SPAG16: variants seen among roughly 807,000 people sequenced by gnomAD.
The protein encoded by SPAG16 is sperm associated antigen 16.
SPAG16 carries 86 observed loss-of-function variants against 80.4 expected under a neutral mutation model. The observed-to-expected ratio is 1.07, with a 90% confidence interval of 0.90 to 1.28. The LOEUF (loss-of-function observed/expected upper bound fraction) is 1.28, where lower values mean the gene tolerates loss of function less well. Among genes scored for constraint, SPAG16 ranks in the 50% most tolerant of loss-of-function variants. SPAG16 has a pLI of 0.00. For synonymous variants in SPAG16, 294 were observed against 265.9 expected (o/e 1.11, Z -1.03); for missense variants, 870 against 765.3 (o/e 1.14, Z -1.61).
intron 14 of SPAG16, among the ~76,000 whole-genome samples, chr2:214,147,981 A>G (rs2055746312): frequency 1.2e-4 from 19 of 152,184 alleles, no homozygotes; most frequent in Admixed American, 1.2e-3. Context: ...TTAAGGTATT[A>G]ACATTAACAT....
intron 15 of SPAG16, among the ~76,000 whole-genome samples, chr2:214,210,798 T>C (rs1259480574): frequency 6.6e-6 from 1 of 151,900 alleles, no homozygotes; most frequent in African/African-American, 2.4e-5. Flanking sequence ...AGCTCCACAA[T>C]TTGGAATTAA....
chr2:214,137,945 A>T (rs2055149525), intron 14 of SPAG16, among the ~76,000 whole-genome samples: 1 of 152,140 alleles, frequency 6.6e-6, no homozygotes, highest in Non-Finnish European at 1.5e-5. Flanking sequence ...CATGTTAATT[A>T]AAAAACCCCA....
chr2:214,268,020 A>C (rs756647896), intron 15 of SPAG16, among the ~76,000 whole-genome samples: 2 of 151,978 alleles, frequency 1.3e-5, no homozygotes, highest in African/African-American at 4.8e-5. Flanking sequence ...AAAGGACTCA[A>C]ATGGACATTT....
At chr2:214,202,101 C>T (rs1055183965) in intron 15 of SPAG16, among the ~76,000 whole-genome samples, 1 of 152,166 alleles carries the variant, frequency 6.6e-6, no homozygotes, top group Non-Finnish European at 1.5e-5. Flanking sequence ...CCTGCTGGGC[C>T]TGCCAAAGTG....
At chr2:213,338,829 A>G (rs1234272060) in intron 5 of SPAG16, among the ~76,000 whole-genome samples, 1 of 152,110 alleles carries the variant, frequency 6.6e-6, no homozygotes, top group Non-Finnish European at 1.5e-5. Flanking sequence ...ACATGGACAC[A>G]GGAAAGGGAA....
chr2:213,450,733 T>G (rs985602898), intron 9 of SPAG16, among the ~76,000 whole-genome samples: 9 of 152,198 alleles, frequency 5.9e-5, no homozygotes, highest in Non-Finnish European at 1.0e-4. Flanking sequence ...ATTATATATT[T>G]GTTCACATTA....
At chr2:213,709,634 C>T (rs1345496346) in intron 10 of SPAG16, among the ~76,000 whole-genome samples, 1 of 151,874 alleles carries the variant, frequency 6.6e-6, no homozygotes, top group Non-Finnish European at 1.5e-5. Context: ...GTGGACCTTA[C>T]TCTGTTTTTT....
intron 10 of SPAG16, among the ~76,000 whole-genome samples, chr2:213,826,868 C>A (rs1271492485): frequency 1.3e-5 from 2 of 151,870 alleles, no homozygotes; most frequent in African/African-American, 4.8e-5. Context: ...ATATTGGAGT[C>A]TATCTTTTTA....
chr2:213,411,500 T>C (rs1240141417), intron 9 of SPAG16, among the ~76,000 whole-genome samples: 1 of 152,200 alleles, frequency 6.6e-6, no homozygotes, highest in Non-Finnish European at 1.5e-5. Flanking sequence ...AGACATGATA[T>C]TAGCAGAAAG....
intron 11 of SPAG16, among the ~76,000 whole-genome samples, chr2:213,871,879 CAGAGAG>C (rs113290584): frequency 3.4e-4 from 12 of 35,324 alleles, no homozygotes; most frequent in African/African-American, 8.6e-4. Context: ...CACACACACA[CAGAGAG>C]AGAGAGAGAG....
At chr2:213,344,961 C>A (rs1475606468) in intron 6 of SPAG16, among the ~76,000 whole-genome samples, 1 of 152,210 alleles carries the variant, frequency 6.6e-6, no homozygotes, top group Admixed American at 6.5e-5. Context: ...ACCACACTGA[C>A]TTCCACAATG....
intron 15 of SPAG16, among the ~76,000 whole-genome samples, chr2:214,247,414 A>G (rs1689928034): frequency 6.6e-6 from 1 of 152,172 alleles, no homozygotes; most frequent in Admixed American, 6.5e-5. Flanking sequence ...CTCAAGGGAC[A>G]TAACTAATAT....
chr2:214,263,483 G>T (rs2125877108), intron 15 of SPAG16, among the ~76,000 whole-genome samples: 1 of 152,220 alleles, frequency 6.6e-6, no homozygotes, highest in East Asian at 1.9e-4. Context: ...GAGTACTTTT[G>T]CATATATGAG....
intron 13 of SPAG16, among the ~76,000 whole-genome samples, chr2:214,072,331 T>C (rs2050825563): frequency 1.3e-5 from 2 of 152,182 alleles, no homozygotes; most frequent in African/African-American, 4.8e-5. Context: ...CTGATCTTTC[T>C]AATGCCCAAA....
chr2:214,038,018 C>A (rs1318734194), intron 13 of SPAG16, among the ~76,000 whole-genome samples: 1 of 151,934 alleles, frequency 6.6e-6, no homozygotes, highest in Non-Finnish European at 1.5e-5. Flanking sequence ...TAATTTCCTT[C>A]TAATGGTTGT....
chr2:213,602,962 G>A (rs1285379932), intron 10 of SPAG16, among the ~76,000 whole-genome samples: 1 of 152,184 alleles, frequency 6.6e-6, no homozygotes, highest in African/African-American at 2.4e-5. Context: ...CACTTACAGT[G>A]CATATTTGCA....
intron 12 of SPAG16, among the ~76,000 whole-genome samples, chr2:213,972,457 T>TAACTGA (rs927915695): frequency 9.9e-5 from 15 of 152,146 alleles, no homozygotes; most frequent in Non-Finnish European, 2.1e-4. Context: ...GGTGCACTGA[T>TAACTGA]ACCTGATGCA....
At chr2:213,651,162 A>G (rs1049167611) in intron 10 of SPAG16, among the ~76,000 whole-genome samples, 1 of 152,186 alleles carries the variant, frequency 6.6e-6, no homozygotes, top group African/African-American at 2.4e-5. Flanking sequence ...ATACACACAC[A>G]AACACACACA....
At chr2:214,144,652 C>G (rs575308809) in intron 14 of SPAG16, among the ~76,000 whole-genome samples, 17 of 152,082 alleles carry the variant, frequency 1.1e-4, no homozygotes, top group Non-Finnish European at 2.5e-4. Flanking sequence ...AACTCTTTGA[C>G]AACAGAATAT....
Sources: allele counts gnomAD v4.1 joint callset (sites outside exome capture counted in the v4.1 genomes callset), GRCh38; gene constraint gnomAD v4.1.1; transcripts MANE v1.5; gene names NCBI Gene and HGNC (gene_info 2026-07-23, HGNC 2026-07-21).